DCC: variants seen among roughly 807,000 people sequenced by gnomAD.
DCC encodes the protein netrin receptor DCC.
DCC carries 58 observed loss-of-function variants against 172.5 expected under a neutral mutation model. The ratio of observed to expected loss-of-function variants is 0.34; its 90% CI spans 0.27 to 0.42. The LOEUF (loss-of-function observed/expected upper bound fraction) is 0.42. Ranked by LOEUF, DCC falls within the 10% of genes least tolerant of loss-of-function variation. The pLI, the probability that DCC is intolerant of heterozygous loss-of-function variation, is 1.00. For synonymous variants in DCC, 709 were observed against 644.5 expected, an observed-to-expected ratio of 1.10 and a Z score of -1.52; for missense variants, 1,740 against 1,791.0, an observed-to-expected ratio of 0.97 and a Z score of 0.51.
chr18:52,550,750 C>T (rs1398851936), intron 1 of DCC, among the ~76,000 whole-genome samples: 1 of 152,078 alleles, frequency 6.6e-6, no homozygotes, highest in Non-Finnish European at 1.5e-5. Flanking sequence ...TCCATCTCTC[C>T]TCTATTAGGA....
chr18:52,925,719 C>T (rs891416197), intron 5 of DCC, among the ~76,000 whole-genome samples: 5 of 151,620 alleles, frequency 3.3e-5, no homozygotes, highest in South Asian at 2.1e-4. Context: ...AATATTTATC[C>T]TTGAGGGGAA....
At chr18:52,463,414 A>G (rs1273129785) in intron 1 of DCC, among the ~76,000 whole-genome samples, 3 of 152,142 alleles carry the variant, frequency 2.0e-5, no homozygotes, top group African/African-American at 4.8e-5. Flanking sequence ...GGTTGATGCT[A>G]TGTTTAGGGA....
At chr18:53,063,263 A>G (rs560921507) in intron 5 of DCC, 42 bp from the exon 6 acceptor site, 1 of 1,606,016 alleles carries the variant, frequency 6.2e-7, no homozygotes, top group Non-Finnish European at 8.5e-7. Context: ...GCAAGTTCAC[A>G]TCCCCACCCA....
intron 1 of DCC, among the ~76,000 whole-genome samples, chr18:52,675,960 T>C (rs1471891576): frequency 6.6e-6 from 1 of 152,244 alleles, no homozygotes; most frequent in Non-Finnish European, 1.5e-5. Flanking sequence ...AAATGATTGA[T>C]CTTTTCTTGG....
intron 7 of DCC, among the ~76,000 whole-genome samples, chr18:53,079,376 C>T (rs2144129993): frequency 6.6e-6 from 1 of 152,116 alleles, no homozygotes; most frequent in African/African-American, 2.4e-5. Context: ...CTTTAATACG[C>T]TTGCTTATAT....
At chr18:52,959,145 G>T (rs767270227) in intron 5 of DCC, among the ~76,000 whole-genome samples, 1 of 152,062 alleles carries the variant, frequency 6.6e-6, no homozygotes, top group Non-Finnish European at 1.5e-5. Context: ...TTTCAGGGGG[G>T]TGAGGGAAGA....
intron 1 of DCC, among the ~76,000 whole-genome samples, chr18:52,443,443 G>T (rs347548): frequency 0.95 from 144,795 of 152,088 alleles, 69,006 homozygotes; most frequent in African/African-American, 0.99. Context: ...GAGGAGAAAT[G>T]ATGGTGTTTG....
intron 2 of DCC, among the ~76,000 whole-genome samples, chr18:52,876,963 G>T (rs1168980980): frequency 6.6e-6 from 1 of 152,050 alleles, no homozygotes. Flanking sequence ...AGTTAAATTT[G>T]AATTTCAGAT....
At chr18:52,663,130 G>A (rs530511078) in intron 1 of DCC, among the ~76,000 whole-genome samples, 24 of 152,274 alleles carry the variant, frequency 1.6e-4, no homozygotes, top group African/African-American at 5.3e-4. Context: ...TGTCTTAGGA[G>A]AAACAATTTT....
At chr18:52,620,566 T>G (rs2034459590) in intron 1 of DCC, among the ~76,000 whole-genome samples, 1 of 152,178 alleles carries the variant, frequency 6.6e-6, no homozygotes, top group Admixed American at 6.5e-5. Flanking sequence ...TTCTCAAAAT[T>G]TTTGTTCTTG....
chr18:53,384,834 GT>G (rs1421907657), intron 15 of DCC, among the ~76,000 whole-genome samples: 1 of 143,868 alleles, frequency 7.0e-6, no homozygotes, highest in Non-Finnish European at 1.5e-5. Context: ...TTGTAAAGAA[GT>G]TTACCTCAAT....
intron 2 of DCC, among the ~76,000 whole-genome samples, chr18:52,825,747 G>A (rs879118047): frequency 2.3e-4 from 35 of 152,094 alleles, no homozygotes; most frequent in African/African-American, 8.2e-4. Flanking sequence ...CTGTTCTGCT[G>A]CTCTACACAC....
chr18:52,531,091 C>T (rs928502599), intron 1 of DCC, among the ~76,000 whole-genome samples: 2 of 152,198 alleles, frequency 1.3e-5, no homozygotes, highest in Non-Finnish European at 2.9e-5. Context: ...TCTAAGCATT[C>T]ACACATCTAC....
In DCC at chr18:52,561,653, C is replaced by T. The variant is rs556235606; in HGVS notation, c.92-190401C>T. 3.3e-5 allele frequency among the ~76,000 whole-genome samples: 5 copies of T among 152,224 alleles called. No individual in the cohort carries two copies. In the South Asian group the frequency reaches 1.0e-3, roughly 32 times the overall value. On this transcript the variant is annotated intron_variant, in intron 1 of 28. Coordinates refer to ENST00000442544, the MANE Select transcript of DCC (RefSeq NM_005215.4). ...TTGTGAGGATTCCCTCACTTGCCTACTGTAACAACCAATCCAGGGCTTTCT... is the reference window on the plus strand; with the variant it reads ...TTGTGAGGATTCCCTCACTTGCCTATTGTAACAACCAATCCAGGGCTTTCT...
chr18:53,429,259 A>G (rs1911444301), intron 21 of DCC, among the ~76,000 whole-genome samples: 1 of 51,954 alleles, frequency 1.9e-5, no homozygotes, highest in African/African-American at 4.1e-5. Context: ...CTACTTTAGA[A>G]GATGGTCTCT....
chr18:52,517,182 C>T (rs551360937), intron 1 of DCC, among the ~76,000 whole-genome samples: 9 of 152,296 alleles, frequency 5.9e-5, no homozygotes, highest in African/African-American at 1.9e-4. Flanking sequence ...GTGTTGTAAA[C>T]ATTAATAGAG....
At chr18:52,819,051 AG>A in intron 2 of DCC, among the ~76,000 whole-genome samples, 1 of 152,330 alleles carries the variant, frequency 6.6e-6, no homozygotes, top group Admixed American at 6.5e-5. Flanking sequence ...CAAAAGAGAT[AG>A]GAGATATAAT....
intron 5 of DCC, among the ~76,000 whole-genome samples, chr18:53,022,972 A>G (rs1158917531): frequency 2.6e-5 from 4 of 152,140 alleles, no homozygotes; most frequent in Non-Finnish European, 5.9e-5. Context: ...CGAAGGGAGT[A>G]TTAATACCAC....
At chr18:53,193,031 C>T (rs2055389442) in intron 9 of DCC, among the ~76,000 whole-genome samples, 1 of 152,162 alleles carries the variant, frequency 6.6e-6, no homozygotes, top group Non-Finnish European at 1.5e-5. Context: ...CTTTTCATCT[C>T]CATGGCCAGC....
Sources: allele counts gnomAD v4.1 joint callset (sites outside exome capture counted in the v4.1 genomes callset), GRCh38; gene constraint gnomAD v4.1.1; transcripts MANE v1.5; gene names NCBI Gene and HGNC (gene_info 2026-07-23, HGNC 2026-07-21).